The following SRGAP1 variants were observed in gnomAD, a reference collection of about 807,000 sequenced individuals.
The protein encoded by SRGAP1 is SLIT-ROBO Rho GTPase activating protein 1.
SRGAP1 carries 43 observed loss-of-function variants against 121.9 expected under a neutral mutation model. That is an observed-to-expected ratio of 0.35 (90% CI 0.28 to 0.46). The LOEUF is 0.46. Ranked by LOEUF, SRGAP1 falls within the 20% of genes least tolerant of loss-of-function variation. The pLI is 1.00. For synonymous variants in SRGAP1, 447 were observed against 485.4 expected (o/e 0.92, Z 1.04); for missense variants, 1,102 against 1,350.9 (o/e 0.82, Z 2.89).
Position 63,931,285 on chromosome 12 carries a change from T to A in SRGAP1, c.68-52662T>A, listed in dbSNP as rs531990382. 7.4e-3 allele frequency among the ~76,000 whole-genome samples: 1,127 copies of A among 152,336 alleles called. 14 individuals are homozygous for A. The highest frequency in any genetic ancestry group is 0.025 in the African/African-American group (1,040 of 41,576). The stretch of plus-strand genomic sequence containing the variant: ...ATCTTTCCCTGCTGTTCTTCTTTTC[T>A]CTGGGCCTAAGTTTCTATATCTCTA... On this transcript the variant is annotated intron_variant, in intron 1 of 21. Transcript: ENST00000355086.
At chr12:63,935,395 A>C (rs1243014032) in intron 1 of SRGAP1, among the ~76,000 whole-genome samples, 1 of 152,180 alleles carries the variant, frequency 6.6e-6, no homozygotes, top group African/African-American at 2.4e-5. Flanking sequence ...AACACTTTGA[A>C]AATGTGACTT....
Position 64,154,993 on chromosome 12 carries a change from A to C in SRGAP1, c.*12321A>C, listed in dbSNP as rs1481542339. On this transcript the variant is annotated 3_prime_UTR_variant, in exon 22 of 22. Transcript: ENST00000355086. ...TTTCTAGTGTGCATTTGTTAACATA[A>C]ATATGATAATAAAAATAGTTAACAT... 1 of 152,116 alleles carries C rather than the reference A, an allele frequency of 6.6e-6. No homozygotes were observed. Among genetic ancestry groups the C allele is most frequent in the East Asian group, 1.9e-4 (1 of 5,188 alleles). 9.4% of individuals were successfully genotyped at this position (152,116 alleles called of 1,614,324 possible). A position where few individuals can be genotyped will look rare whatever the true frequency, so the allele number is the denominator to read the frequency against.
At chr12:64,041,649 A>G (rs1198579729) in intron 4 of SRGAP1, among the ~76,000 whole-genome samples, 1 of 151,286 alleles carries the variant, frequency 6.6e-6, no homozygotes, top group African/African-American at 2.4e-5. Context: ...GCCTCCCAAA[A>G]TGTGCTGGGA....
chr12:63,870,437 G>C (rs546969669), intron 1 of SRGAP1, among the ~76,000 whole-genome samples: 2 of 151,550 alleles, frequency 1.3e-5, no homozygotes, highest in Non-Finnish European at 2.9e-5. Flanking sequence ...GTAATGCCCT[G>C]TTCCTAGGGA....
At chr12:63,851,985 G>C (rs1899089734) in intron 1 of SRGAP1, among the ~76,000 whole-genome samples, 1 of 151,956 alleles carries the variant, frequency 6.6e-6, no homozygotes, top group African/African-American at 2.4e-5. Flanking sequence ...TCTATCTACT[G>C]TATTTATTTA....
At chr12:64,092,992 G>T (rs1399990260) in intron 12 of SRGAP1, among the ~76,000 whole-genome samples, 1 of 152,128 alleles carries the variant, frequency 6.6e-6, no homozygotes, top group African/African-American at 2.4e-5. Context: ...GCTCTTCACA[G>T]CCCAGATGGC....
rs551559018 is a variant in SRGAP1, at chr12:64,148,948, T to C, written c.*6276T>C. 1 of 152,344 alleles carries C rather than the reference T, an allele frequency of 6.6e-6. No individual in the cohort carries two copies. Among genetic ancestry groups the C allele is most frequent in the African/African-American group, 2.4e-5 (1 of 41,584 alleles). 9.4% of individuals were successfully genotyped at this position (152,344 alleles called of 1,614,324 possible). ...GCCTGTCATCTTAGCTTTCTATAAA[T>C]GGGTTCATACAGTATGTAGATTTTG... is the stretch of plus-strand genomic sequence containing the variant. On this transcript the variant is annotated 3_prime_UTR_variant, in exon 22 of 22. Transcript: ENST00000355086.
intron 6 of SRGAP1, among the ~76,000 whole-genome samples, chr12:64,049,084 A>C (rs1433138309): frequency 6.6e-6 from 1 of 152,160 alleles, no homozygotes; most frequent in Non-Finnish European, 1.5e-5. Flanking sequence ...GCCCAGACCA[A>C]TTGCCTGGAG....
intron 1 of SRGAP1, among the ~76,000 whole-genome samples, chr12:63,848,722 C>A (rs1482514187): frequency 6.6e-6 from 1 of 151,952 alleles, no homozygotes; most frequent in African/African-American, 2.4e-5. Flanking sequence ...TTTTTGTAAT[C>A]CTAAGTGTCT....
At chr12:63,955,785 A>G (rs922609825) in intron 1 of SRGAP1, among the ~76,000 whole-genome samples, 4 of 151,972 alleles carry the variant, frequency 2.6e-5, no homozygotes, top group African/African-American at 9.7e-5. Flanking sequence ...CTGCTTATGG[A>G]CATTTGAGTT....
intron 6 of SRGAP1, among the ~76,000 whole-genome samples, chr12:64,052,278 G>C (rs2035251824): frequency 6.6e-6 from 1 of 152,110 alleles, no homozygotes; most frequent in Admixed American, 6.6e-5. Context: ...CATAACCTGG[G>C]CACGGTGGCT....
intron 15 of SRGAP1, 22 bp from the exon 16 acceptor site, chr12:64,108,910 C>T (rs759204830): frequency 5.1e-6 from 8 of 1,563,402 alleles, no homozygotes; most frequent in Admixed American, 1.7e-5. Flanking sequence ...AGGACTCTGA[C>T]CATGTCATCT....
At position 63,956,677 on chromosome 12, in the gene SRGAP1, T is replaced by A. The variant is rs1205430332; in HGVS notation, c.68-27270T>A. Among the ~76,000 whole-genome samples, 3 of 151,608 alleles carry A rather than the reference T, an allele frequency of 2.0e-5. No homozygotes were observed. The East Asian group carries it at 5.8e-4, about 29-fold the overall frequency. ...TCTCAGGTTTTGAGCAGCCTCCTGT[T>A]ATTGATAGGATATGTTTGCTTGTTG... On this transcript the variant is annotated intron_variant, in intron 1 of 21. Transcript: ENST00000355086.
At chr12:64,050,144 G>A (rs1369429696) in intron 6 of SRGAP1, among the ~76,000 whole-genome samples, 1 of 151,982 alleles carries the variant, frequency 6.6e-6, no homozygotes, top group African/African-American at 2.4e-5. Context: ...TTTTATATTT[G>A]TAGCTATTAT....
intron 4 of SRGAP1, among the ~76,000 whole-genome samples, chr12:64,020,490 T>C (rs930228308): frequency 6.6e-6 from 1 of 151,582 alleles, no homozygotes; most frequent in African/African-American, 2.4e-5. Context: ...CCTCAAATGG[T>C]TTTAAACCTC....
chr12:63,962,525 G>A (rs778274509), intron 1 of SRGAP1, among the ~76,000 whole-genome samples: 9 of 151,780 alleles, frequency 5.9e-5, no homozygotes, highest in South Asian at 2.1e-4. Context: ...CTCCTGCCTC[G>A]GCCTCCTGAG....
chr12:64,116,936 C>T (rs180988617), intron 18 of SRGAP1, among the ~76,000 whole-genome samples: 8 of 152,282 alleles, frequency 5.3e-5, no homozygotes, highest in Admixed American at 2.0e-4. Flanking sequence ...AGGAAGGCAT[C>T]AGTGAGGCAG....
Position 64,078,921 on chromosome 12 carries a change from T to A in SRGAP1, c.1128T>A (p.Val376=), listed in dbSNP as rs2035787329. The A allele has an allele frequency of 1.9e-6, 3 of 1,612,774 alleles. No individual in the cohort carries two copies. The highest frequency in any genetic ancestry group is 1.3e-5 in the African/African-American group (1 of 74,924). ...LATLKIENEE[V]KKTTEATLQT... ...GAGAAATGTATTTCTATTCCCAGGT[T>A]AAGAAAACGACTGAAGCCACCTTGC... is the stretch of plus-strand genomic sequence containing the variant. The change falls in exon 9 of 22, where the codon GTT becomes GTA. Residue 376 remains valine, a splice_region_variant and synonymous_variant. Coordinates refer to ENST00000355086, the MANE Select transcript of SRGAP1 (RefSeq NM_020762.4).
intron 3 of SRGAP1, among the ~76,000 whole-genome samples, chr12:64,007,632 A>G (rs1350137): frequency 0.059 from 8,945 of 152,174 alleles, 916 homozygotes; most frequent in African/African-American, 0.2. Context: ...CTAGGACTCA[A>G]TATTTGAAGA....
Sources: allele counts gnomAD v4.1 joint callset (sites outside exome capture counted in the v4.1 genomes callset), GRCh38; gene constraint gnomAD v4.1.1; transcripts MANE v1.5; gene names NCBI Gene and HGNC (gene_info 2026-07-23, HGNC 2026-07-21).